The following NWD2 variants were observed in gnomAD, a reference collection of about 807,000 sequenced individuals.
NWD2 encodes NACHT and WD repeat domain containing 2, also known as NACHT and WD repeat domain-containing protein 2.
A neutral mutation model predicts 132.7 loss-of-function variants in NWD2; 37 were observed. That is an observed-to-expected ratio of 0.28 (90% CI 0.21 to 0.37). The LOEUF is 0.37. NWD2 is among the 10% of genes least tolerant of loss of function. The pLI is 1.00. For synonymous variants in NWD2, 705 were observed against 803.0 expected, an observed-to-expected ratio of 0.88 and a Z score of 2.06; for missense variants, 1,592 against 2,122.4, an observed-to-expected ratio of 0.75 and a Z score of 4.91.
At chr4:37,290,886 A>T (rs1204330679) in intron 1 of NWD2, among the ~76,000 whole-genome samples, 1 of 152,204 alleles carries the variant, frequency 6.6e-6, no homozygotes, top group Non-Finnish European at 1.5e-5. Context: ...TTGGCTGTAC[A>T]GTTGTTTCAG....
Position 37,443,483 on chromosome 4 carries a change from C to A in NWD2, c.1495C>A (p.Leu499Ile), listed in dbSNP as rs1246655296. Residue 499 changes from leucine to isoleucine, a missense_variant, in exon 7 of 7, where the codon CTT becomes ATT. By Grantham distance (5) the Leu-to-Ile change is conservative. This residue lies in a region of NWD2 where 1,071 missense variants were observed against 1,398.0 expected (regional missense o/e 0.77). Coordinates refer to ENST00000309447, the MANE Select transcript of NWD2 (RefSeq NM_001144990.2). This position sits in a 1 kb window ranked among gnomAD's most constrained non-coding sequence, Gnocchi z 4.1. ...TGACCTCTGTGACTTATTTATAAAT[C>A]TTTTGAATGAGTCTTCACTGCAGAG... ...IHDLCDLFINLLNESSLQRPL... is the reference protein window; with the variant it reads ...IHDLCDLFINILNESSLQRPL... The A allele has an allele frequency of 2.6e-6, 4 of 1,552,114 alleles. No individual in the cohort carries two copies. In the Admixed American group the frequency reaches 7.8e-5, roughly 30 times the overall value.
intron 1 of NWD2, among the ~76,000 whole-genome samples, chr4:37,285,020 A>C (rs1416881383): frequency 6.6e-6 from 1 of 152,124 alleles, no homozygotes; most frequent in African/African-American, 2.4e-5. Context: ...GTGTAAGTAC[A>C]GGTAGGGATG....
chr4:37,440,748 G>A (rs1033578458), intron 6 of NWD2, among the ~76,000 whole-genome samples: 1 of 152,158 alleles, frequency 6.6e-6, no homozygotes, highest in Non-Finnish European at 1.5e-5. Context: ...ATGATGGTCT[G>A]GAACCTCACT....
intron 1 of NWD2, among the ~76,000 whole-genome samples, chr4:37,246,532 C>A (rs898514361): frequency 9.9e-5 from 15 of 151,934 alleles, no homozygotes; most frequent in African/African-American, 3.6e-4. Flanking sequence ...ATGGTACACT[C>A]AAAAAATCAT....
At position 37,443,596 on chromosome 4, in the gene NWD2, C is replaced by T. The variant is rs1490076727; in HGVS notation, c.1608C>T (p.Pro536=). The T allele has an allele frequency of 5.2e-6, 8 of 1,551,748 alleles. No homozygotes were observed. The East Asian group carries it at 2.0e-4, about 38-fold the overall frequency. The change falls in exon 7 of 7, where the codon CCC becomes CCT. Residue 536 remains proline, a synonymous_variant. Transcript: ENST00000309447. The surrounding 1 kb of genome is among the most constrained non-coding windows in gnomAD (Gnocchi z 4.1). ...RKLWWLPAHL[P]RFVRIVLSTL... Reference sequence around the variant, plus strand: ...TTTGGTGGCTCCCAGCTCACCTGCCCCGCTTTGTCCGGATAGTCCTTTCCA... The same window carrying T: ...TTTGGTGGCTCCCAGCTCACCTGCCTCGCTTTGTCCGGATAGTCCTTTCCA...
intron 1 of NWD2, among the ~76,000 whole-genome samples, chr4:37,280,381 T>C (rs760662704): frequency 1.1e-4 from 16 of 151,810 alleles, no homozygotes; most frequent in Non-Finnish European, 2.1e-4. Flanking sequence ...GCACTGGAGG[T>C]CATCCCATGG....
At chr4:37,359,676 C>A (rs1460585462) in intron 3 of NWD2, among the ~76,000 whole-genome samples, 3 of 152,094 alleles carry the variant, frequency 2.0e-5, no homozygotes, top group African/African-American at 2.4e-5. Context: ...AAATTAAGGA[C>A]CAGATGAAGC....
At chr4:37,358,356 G>A (rs892996216) in intron 3 of NWD2, among the ~76,000 whole-genome samples, 6 of 150,078 alleles carry the variant, frequency 4.0e-5, no homozygotes, top group Admixed American at 1.3e-4. Context: ...GGTTTGGGGG[G>A]GTTGGGGGAA....
At chr4:37,423,923 G>A (rs1479773) in intron 3 of NWD2, among the ~76,000 whole-genome samples, 148,577 of 152,236 alleles carry the variant, frequency 0.98, 72,590 homozygotes, top group East Asian at 1. Context: ...TACAAATTCA[G>A]ATACATGTAT....
chr4:37,446,222 G>T lies in NWD2; in HGVS notation c.4234G>T (p.Val1412Leu). The change falls in exon 7 of 7, where the codon GTG becomes TTG. Residue 1412 changes from valine to leucine, a missense_variant. By Grantham distance (32) the Val-to-Leu change is conservative. This residue lies in a region of NWD2 where 1,071 missense variants were observed against 1,398.0 expected (regional missense o/e 0.77). Transcript: ENST00000309447. The surrounding 1 kb of genome is among the most constrained non-coding windows in gnomAD (Gnocchi z 6.7). The stretch of plus-strand genomic sequence containing the variant: ...GCTGATTACACACAATGACCAGTTT[G>T]TGGTCTCGCTCTGTGAGGAAAATGC... ...QLLITHNDQF[V>L]VSLCEENASR... The T allele has an allele frequency of 6.4e-7, 1 of 1,551,696 alleles. No homozygotes were observed. Among genetic ancestry groups the T allele is most frequent in the Non-Finnish European group, 8.7e-7 (1 of 1,147,002 alleles).
At chr4:37,427,014 C>T (rs1334774328) in intron 3 of NWD2, among the ~76,000 whole-genome samples, 1 of 151,830 alleles carries the variant, frequency 6.6e-6, no homozygotes, top group Non-Finnish European at 1.5e-5. Flanking sequence ...ATGCCCAAAA[C>T]CCAGCTGGTC....
At chr4:37,400,988 T>C (rs2109315348) in intron 3 of NWD2, among the ~76,000 whole-genome samples, 1 of 152,316 alleles carries the variant, frequency 6.6e-6, no homozygotes, top group Non-Finnish European at 1.5e-5. Context: ...GTGCTATTCA[T>C]TGGAGTTGTA....
rs543621535 is a variant in NWD2 at position 37,418,639 on chromosome 4, A to T, written c.358-11933A>T. Among the ~76,000 whole-genome samples the T allele has an allele frequency of 4.9e-4, 71 of 144,978 alleles. No individual in the cohort carries two copies. In the East Asian group the frequency reaches 8.9e-3, roughly 18 times the overall value. ...TTCTGTGATCTTTCTCCCAAAAAAA[A>T]AAATATATATATATATTTATAACCC... On this transcript the variant is annotated intron_variant, in intron 3 of 6. Transcript: ENST00000309447.
At chr4:37,437,739 A>G (rs1712358994) in intron 5 of NWD2, among the ~76,000 whole-genome samples, 1 of 152,160 alleles carries the variant, frequency 6.6e-6, no homozygotes, top group African/African-American at 2.4e-5. Flanking sequence ...TGATGTTTTC[A>G]TTACTACTGA....
chr4:37,292,371 A>G (rs1394225006), intron 1 of NWD2, among the ~76,000 whole-genome samples: 1 of 152,176 alleles, frequency 6.6e-6, no homozygotes, highest in Non-Finnish European at 1.5e-5. Context: ...GGACTGCTCT[A>G]GCCCCTTGGG....
chr4:37,413,443 A>AT (rs1394383719), intron 3 of NWD2, among the ~76,000 whole-genome samples: 1 of 152,212 alleles, frequency 6.6e-6, no homozygotes, highest in East Asian at 1.9e-4. Flanking sequence ...ACCAGTTAGA[A>AT]TGGTGATCAT....
intron 1 of NWD2, among the ~76,000 whole-genome samples, chr4:37,287,298 C>T (rs1236509255): frequency 6.6e-6 from 1 of 152,242 alleles, no homozygotes; most frequent in Non-Finnish European, 1.5e-5. Context: ...CAACCAGCAC[C>T]ACAGCTGTAG....
chr4:37,293,153 GT>G (rs975808627), intron 1 of NWD2, among the ~76,000 whole-genome samples: 4 of 152,254 alleles, frequency 2.6e-5, no homozygotes, highest in African/African-American at 9.6e-5. Context: ...AATATTTGTT[GT>G]TTTTTCACCC....
rs551934647 is a variant in NWD2, at chr4:37,303,391, C to T, written c.152-22545C>T. On this transcript the variant is annotated intron_variant, in intron 1 of 6. Transcript: ENST00000309447. ...TAATTTGAATTCAGGTAGTGTGATGCGTCCAGCTTTCCTCTTTTTGTTCAG... is the reference window on the plus strand; with the variant it reads ...TAATTTGAATTCAGGTAGTGTGATGTGTCCAGCTTTCCTCTTTTTGTTCAG... Among the ~76,000 whole-genome samples the T allele has an allele frequency of 1.3e-4, 20 of 152,284 alleles. No individual in the cohort carries two copies. The South Asian group carries it at 3.3e-3, about 25-fold the overall frequency.
Sources: allele counts gnomAD v4.1 joint callset (sites outside exome capture counted in the v4.1 genomes callset), GRCh38; gene constraint gnomAD v4.1.1; regional missense constraint gnomAD v4.1.1; non-coding constraint Gnocchi (gnomAD v3.1); transcripts MANE v1.5; gene names NCBI Gene and HGNC (gene_info 2026-07-23, HGNC 2026-07-21).